IFT80: variants seen among roughly 807,000 people sequenced by gnomAD.
IFT80 encodes intraflagellar transport protein 80 homolog.
Under a neutral mutation model 107.9 loss-of-function variants are expected in IFT80, and 79 were observed. The observed-to-expected ratio is 0.73, with a 90% CI of 0.61 to 0.88. The LOEUF is 0.88. Ranked by LOEUF, IFT80 falls within the 40% of genes least tolerant of loss-of-function variation. IFT80 has a pLI of 0.00. For missense variants in IFT80, 797 were observed against 914.2 expected (o/e 0.87, Z 1.65); for synonymous variants, 299 against 300.9 (o/e 0.99, Z 0.07).
chr3:160,342,333 A>C (rs1719968294), intron 8 of IFT80, among the ~76,000 whole-genome samples: 1 of 152,166 alleles, frequency 6.6e-6, no homozygotes, highest in Non-Finnish European at 1.5e-5. Context: ...AATCATACTA[A>C]ACAGCACAAT....
At chr3:160,268,995 A>C (rs1002075487) in intron 18 of IFT80, among the ~76,000 whole-genome samples, 2 of 152,042 alleles carry the variant, frequency 1.3e-5, no homozygotes, top group Admixed American at 6.6e-5. Context: ...TTGGGAGGCC[A>C]AGGTGGGAGG....
chr3:160,303,757 C>T (rs1716616105), intron 11 of IFT80, among the ~76,000 whole-genome samples, 158 bp downstream of exon 11: 1 of 152,086 alleles, frequency 6.6e-6, no homozygotes. Flanking sequence ...ATTTAAATAA[C>T]TTATTTATTC....
rs1298249303 is a variant in IFT80 at position 160,262,339 on chromosome 3, G to A, written c.2224-3704C>T. Among the ~76,000 whole-genome samples, 3 of 152,114 alleles carry A rather than the reference G, an allele frequency of 2.0e-5. No individual in the cohort carries two copies. The East Asian group carries it at 5.8e-4, about 29-fold the overall frequency. ...GGAAACCATGGGAAAAAAATATATG[G>A]GAAGAAACTAATCAGGTGAGGTTTG... On this transcript the variant is annotated intron_variant, in intron 19 of 19. Transcript: ENST00000326448.
intron 8 of IFT80, among the ~76,000 whole-genome samples, chr3:160,323,384 C>T (rs1718428659): frequency 6.6e-6 from 1 of 151,366 alleles, no homozygotes; most frequent in African/African-American, 2.4e-5. Context: ...CTGTTCTGTT[C>T]CATTGATCTA....
At chr3:160,377,218 T>C (rs1273980398) in intron 4 of IFT80, among the ~76,000 whole-genome samples, 1 of 152,198 alleles carries the variant, frequency 6.6e-6, no homozygotes, top group African/African-American at 2.4e-5. Flanking sequence ...CCAAAAGCCT[T>C]CTTTGACAGA....
In IFT80 at chr3:160,301,063, A is replaced by T. The variant is rs1254355547; in HGVS notation, c.1152-17T>A. The T allele has an allele frequency of 6.4e-7, 1 of 1,554,260 alleles. No homozygotes were observed. The highest frequency in any genetic ancestry group is 1.8e-5 in the Admixed American group (1 of 56,650). On this transcript the variant is annotated splice_polypyrimidine_tract_variant and intron_variant, in intron 11 of 19. Transcript: ENST00000326448. ...AGAAAATGTCTAAAAAATAAAGAAT[A>T]GAAATAGATTCTCAAACAGGAGTAT... is the stretch of plus-strand genomic sequence containing the variant.
Position 160,300,954 on chromosome 3 carries a change from T to C in IFT80, c.1244A>G (p.Asp415Gly). 1.2e-6 allele frequency: 2 copies of C among 1,611,614 alleles called. No individual in the cohort carries two copies. The highest frequency in any genetic ancestry group is 1.7e-6 in the Non-Finnish European group (2 of 1,178,654). The change falls in exon 12 of 20, where the codon GAT (aspartate) becomes GGT (glycine). Residue 415 changes from aspartate (D) to glycine (G), a missense_variant. Coordinates refer to ENST00000326448, the MANE Select transcript of IFT80 (RefSeq NM_020800.3). ...SSPKFPGMRT[D>G]ILNAQTVSLS... ...AGACACAGTCTGTGCATTCAGAATA[T>C]CTGTTCTCATTCCAGGAAATTTTGG...
intron 8 of IFT80, among the ~76,000 whole-genome samples, chr3:160,330,103 G>A (rs1009434305): frequency 2.6e-5 from 4 of 152,130 alleles, no homozygotes; most frequent in African/African-American, 4.8e-5. Context: ...ACAAGCTCTT[G>A]AGATAATTCT....
chr3:160,280,215 A>G (rs1336020716), intron 15 of IFT80, among the ~76,000 whole-genome samples: 1 of 152,218 alleles, frequency 6.6e-6, no homozygotes, highest in Non-Finnish European at 1.5e-5. Context: ...AAATTTTTAA[A>G]AATTTCAGTA....
chr3:160,270,752 T>A (rs1051889752), intron 18 of IFT80, among the ~76,000 whole-genome samples: 1 of 152,148 alleles, frequency 6.6e-6, no homozygotes, highest in African/African-American at 2.4e-5. Context: ...CCCATGTATA[T>A]CCCTAAGGCT....
chr3:160,318,414 C>CA (rs1321259327), intron 9 of IFT80, among the ~76,000 whole-genome samples: 1 of 151,918 alleles, frequency 6.6e-6, no homozygotes, highest in African/African-American at 2.4e-5. Context: ...AAGATAGAGG[C>CA]AATTGATACA....
intron 19 of IFT80, among the ~76,000 whole-genome samples, chr3:160,267,127 C>T (rs955581748): frequency 2.0e-5 from 3 of 152,124 alleles, no homozygotes; most frequent in South Asian, 2.1e-4. Flanking sequence ...ATCCAGATGT[C>T]GAAGTTGCAC....
chr3:160,370,506 G>A (rs1176418380), intron 5 of IFT80, among the ~76,000 whole-genome samples: 1 of 151,834 alleles, frequency 6.6e-6, no homozygotes, highest in Non-Finnish European at 1.5e-5. Context: ...AAAATTCCAT[G>A]CTCCATGCTT....
At chr3:160,263,556 G>A (rs1008353613) in intron 19 of IFT80, among the ~76,000 whole-genome samples, 5 of 152,134 alleles carry the variant, frequency 3.3e-5, no homozygotes, top group African/African-American at 4.8e-5. Context: ...TAACTCGTAC[G>A]TTTGCTCTTA....
chr3:160,369,193 T>C (rs888855513), intron 5 of IFT80, among the ~76,000 whole-genome samples: 38 of 151,970 alleles, frequency 2.5e-4, no homozygotes, highest in African/African-American at 3.4e-4. Flanking sequence ...ACTTATATAA[T>C]AAAAGAAAAT....
At chr3:160,385,421 T>C (rs1712852301) in intron 1 of IFT80, among the ~76,000 whole-genome samples, 1 of 152,162 alleles carries the variant, frequency 6.6e-6, no homozygotes, top group Admixed American at 6.6e-5. Context: ...TAGGCAAATG[T>C]AAATCAAATG....
chr3:160,259,500 T>G (rs999323838), intron 19 of IFT80, among the ~76,000 whole-genome samples: 3 of 152,126 alleles, frequency 2.0e-5, no homozygotes, highest in African/African-American at 7.2e-5. Context: ...TTGCACCAAC[T>G]CTTAAAGTAA....
At chr3:160,267,105 T>C (rs1713393529) in intron 19 of IFT80, among the ~76,000 whole-genome samples, 1 of 152,210 alleles carries the variant, frequency 6.6e-6, no homozygotes, top group Non-Finnish European at 1.5e-5. Context: ...CCACAACTTG[T>C]AGCTATCCTG....
chr3:160,279,070 A>T, intron 16 of IFT80, 123 bp downstream of exon 16: 1 of 723,152 alleles, frequency 1.4e-6, no homozygotes, highest in East Asian at 2.7e-5. Context: ...CTTTACTTAT[A>T]AAAAAAGACA....
Sources: allele counts gnomAD v4.1 joint callset (sites outside exome capture counted in the v4.1 genomes callset), GRCh38; gene constraint gnomAD v4.1.1; transcripts MANE v1.5; gene names NCBI Gene and HGNC (gene_info 2026-07-23, HGNC 2026-07-21).